GSDME: variants seen among roughly 807,000 people sequenced by gnomAD.
GSDME encodes gasdermin E, also known as gasdermin-E.
GSDME carries 44 observed loss-of-function variants against 47.5 expected under a neutral mutation model. The observed-to-expected ratio is 0.93, with a 90% CI of 0.73 to 1.19. GSDME has a LOEUF of 1.19. GSDME is among the 50% of genes most tolerant of loss of function. The pLI, the probability that GSDME is intolerant of heterozygous loss-of-function variation, is 0.00. For synonymous variants in GSDME, 258 were observed against 252.8 expected (o/e 1.02, Z -0.20); for missense variants, 663 against 604.2 (o/e 1.10, Z -1.02).
the GSDME span, among the ~76,000 whole-genome samples, chr7:24,774,357 C>T: frequency 7.2e-6 from 1 of 139,482 alleles, no homozygotes; most frequent in South Asian, 2.5e-4. Flanking sequence ...CCCTTCCTTC[C>T]TTCCTGTCCA....
At position 24,717,345 on chromosome 7, in the gene GSDME, G is replaced by A; in HGVS notation, c.606C>T (p.Thr202=). The change falls in exon 5 of 10, where the codon ACC becomes ACT. Residue 202 remains threonine, a synonymous_variant. Transcript: ENST00000645220. The part of the protein sequence containing the change: ...QVSATEDGNV[T]KDSNVVLEIP... ...TCTCCAGCACCACGTTGGAGTCCTT[G>A]GTGACATTCCCATCCTCCGTCGCTG... 2 of 1,614,146 alleles carry A rather than the reference G, an allele frequency of 1.2e-6. No homozygotes were observed. The highest frequency in any genetic ancestry group is 2.7e-5 in the African/African-American group (2 of 75,026).
At chr7:24,738,763 T>C (rs1790390676) in intron 3 of GSDME, among the ~76,000 whole-genome samples, 1 of 152,134 alleles carries the variant, frequency 6.6e-6, no homozygotes, top group Non-Finnish European at 1.5e-5. Context: ...TAAAACAGTA[T>C]GGTAATGGCA....
At chr7:24,741,685 T>C (rs192122750) in intron 3 of GSDME, among the ~76,000 whole-genome samples, 13 of 152,310 alleles carry the variant, frequency 8.5e-5, no homozygotes, top group Admixed American at 4.6e-4. Context: ...CCCTCGGGAA[T>C]GTACAGTCCT....
intron 7 of GSDME, 172 bp downstream of exon 7, chr7:24,707,955 C>T (rs529765055): frequency 8.5e-5 from 63 of 738,404 alleles, no homozygotes; most frequent in African/African-American, 8.3e-4. Flanking sequence ...TCCCTCCACC[C>T]GATGCCAGCT....
rs145851854 is a variant in GSDME at position 24,711,685 on chromosome 7, C to T, written c.698-1297G>A. On this transcript the variant is annotated intron_variant, in intron 5 of 9. Transcript: ENST00000645220. ...TTAAAATGAGCTGGGCATGGTCACA[C>T]ATGCCTGTAATCCCAGCTGCTCTGG... is the stretch of plus-strand genomic sequence containing the variant. Among the ~76,000 whole-genome samples, 4 of 152,080 alleles carry T rather than the reference C, an allele frequency of 2.6e-5. No individual in the cohort carries two copies. In the East Asian group the frequency reaches 7.8e-4, roughly 30 times the overall value.
In GSDME at chr7:24,699,161, A is replaced by G; in HGVS notation, c.1356T>C (p.Phe452=). 1 of 1,614,230 alleles carries G rather than the reference A, an allele frequency of 6.2e-7. No homozygotes were observed. Residue 452 remains phenylalanine, a synonymous_variant, in exon 10 of 10, where the codon TTT becomes TTC. Transcript: ENST00000645220. The part of the protein sequence containing the change: ...TERFGIVQRL[F]ASADISLERL... ...TCTCCAGACTAATGTCAGCTGAGGCAAACAAGCGCTGCACAATCCCAAACC... is the reference window on the plus strand; with the variant it reads ...TCTCCAGACTAATGTCAGCTGAGGCGAACAAGCGCTGCACAATCCCAAACC...
At position 24,706,351 on chromosome 7, in the gene GSDME, G is replaced by C. The variant is rs755785416; in HGVS notation, c.1016C>G (p.Ser339Trp). ...PVCDDLVSGLSPTVAVLGELK... is the reference protein window; with the variant it reads ...PVCDDLVSGLWPTVAVLGELK... The stretch of plus-strand genomic sequence containing the variant: ...CTCCCCCAGCACCGCCACTGTGGGC[G>C]AGAGGCCGCTGACCAGGTCATCGCA... The change falls in exon 8 of 10, where the codon TCG becomes TGG. Residue 339 changes from serine (S) to tryptophan (W), a missense_variant. Ser to Trp is a radical substitution (Grantham distance 177). Coordinates refer to ENST00000645220, the MANE Select transcript of GSDME (RefSeq NM_001127453.2). The C allele has an allele frequency of 6.4e-5, 104 of 1,612,946 alleles. No individual in the cohort carries two copies. Among genetic ancestry groups the C allele is most frequent in the Non-Finnish European group, 8.1e-5 (95 of 1,179,882 alleles).
chr7:24,709,422 A>G (rs1241696881), intron 6 of GSDME, among the ~76,000 whole-genome samples: 1 of 152,176 alleles, frequency 6.6e-6, no homozygotes, highest in African/African-American at 2.4e-5. Flanking sequence ...GCCTTATATT[A>G]AAATTGGGCC....
the GSDME span, among the ~76,000 whole-genome samples, chr7:24,766,811 A>G: frequency 3.9e-5 from 6 of 152,328 alleles, no homozygotes; most frequent in African/African-American, 1.4e-4. This position sits in a 1 kb window ranked among gnomAD's most constrained non-coding sequence, Gnocchi z 4.2. Context: ...TCCTTTGGGT[A>G]TATACCCAGT....
chr7:24,766,232 C>T, the GSDME span, among the ~76,000 whole-genome samples: 1 of 145,648 alleles, frequency 6.9e-6, no homozygotes, highest in South Asian at 2.3e-4. This position sits in a 1 kb window ranked among gnomAD's most constrained non-coding sequence, Gnocchi z 4.2. Context: ...TGCCTGTTTT[C>T]ACAGTCAGCC....
At chr7:24,757,981 AATCAGTGATTC>A (rs1432407644), upstream of GSDME, 4 of 152,248 alleles carry the variant, frequency 2.6e-5, no homozygotes, top group African/African-American at 9.6e-5. The surrounding 1 kb of genome is among the most constrained non-coding windows in gnomAD (Gnocchi z 5.9). Context: ...GCCTGCCGCT[AATCAGTGATTC>A]ATTCCTGTAA....
intron 6 of GSDME, among the ~76,000 whole-genome samples, chr7:24,708,647 CCATA>C (rs1250678704): frequency 6.6e-5 from 10 of 152,340 alleles, no homozygotes; most frequent in African/African-American, 2.2e-4. Context: ...TGCTTTAGAG[CCATA>C]CAAATTCCAA....
the GSDME span, among the ~76,000 whole-genome samples, chr7:24,792,138 G>A: frequency 0.019 from 2,887 of 152,306 alleles, 88 homozygotes; most frequent in African/African-American, 0.066. Context: ...ACATGCCAAC[G>A]GTATATTTGA....
rs2721794 is a variant in GSDME at position 24,726,888 on chromosome 7, C to T, written c.405-7670G>A. Reference sequence around the variant, plus strand: ...GGAGCCTGGTAAGGCTCTCCAAACCCCAGGGGACATCATGACAGAGCAGGA... The same window carrying T: ...GGAGCCTGGTAAGGCTCTCCAAACCTCAGGGGACATCATGACAGAGCAGGA... On this transcript the variant is annotated intron_variant, in intron 3 of 9. Transcript: ENST00000645220. The surrounding 1 kb of genome is among the most constrained non-coding windows in gnomAD (Gnocchi z 5.6). Among the ~76,000 whole-genome samples, 1 of 151,642 alleles carries T rather than the reference C, an allele frequency of 6.6e-6. No individual in the cohort carries two copies. Among genetic ancestry groups the T allele is most frequent in the East Asian group, 1.9e-4 (1 of 5,180 alleles).
intron 5 of GSDME, among the ~76,000 whole-genome samples, chr7:24,715,040 G>T (rs568417725): frequency 6.6e-6 from 1 of 152,194 alleles, no homozygotes; most frequent in African/African-American, 2.4e-5. Flanking sequence ...GAAGAAGAAG[G>T]AAAGTCTCCC....
At chr7:24,709,239 G>A (rs925326152) in intron 6 of GSDME, among the ~76,000 whole-genome samples, 14 of 152,162 alleles carry the variant, frequency 9.2e-5, no homozygotes, top group African/African-American at 2.9e-4. Context: ...TGGCCAACTC[G>A]AAGGGTGGGC....
chr7:24,749,643 C>A lies in GSDME; in HGVS notation c.132G>T (p.Trp44Cys). The change falls in exon 2 of 10, where the codon TGG becomes TGT. Residue 44 changes from tryptophan (W) to cysteine (C), a missense_variant. Transcript: ENST00000645220. ...LSLVTKKKRF[W>C]CWQRPKYQFL... ...ACTGGTACTTGGGTCTCTGCCAGCA[C>A]CAGAATCTCTTCTTTTTTGTCACCA... 6.2e-7 allele frequency: 1 copy of A among 1,614,096 alleles called. No homozygotes were observed. Among genetic ancestry groups the A allele is most frequent in the Non-Finnish European group, 8.5e-7 (1 of 1,180,018 alleles).
the GSDME span, among the ~76,000 whole-genome samples, chr7:24,776,543 A>C: frequency 4.6e-5 from 7 of 152,294 alleles, no homozygotes; most frequent in Middle Eastern, 3.4e-3. Context: ...AGCAAATCCT[A>C]GGTTTCATCT....
chr7:24,704,646 C>G (rs1206020290), intron 8 of GSDME: 1 of 152,110 alleles, frequency 6.6e-6, no homozygotes, highest in Non-Finnish European at 1.5e-5. Flanking sequence ...CTCTGAGTTT[C>G]CAATTCAGAA....
Sources: allele counts gnomAD v4.1 joint callset (sites outside exome capture counted in the v4.1 genomes callset), GRCh38; gene constraint gnomAD v4.1.1; non-coding constraint Gnocchi (gnomAD v3.1); transcripts MANE v1.5; gene names NCBI Gene and HGNC (gene_info 2026-07-23, HGNC 2026-07-21).